FREM1: variants seen among roughly 807,000 people sequenced by gnomAD.
FREM1 encodes the protein FRAS1-related extracellular matrix protein 1.
Under a neutral mutation model 210.1 loss-of-function variants are expected in FREM1, and 220 were observed. The ratio of observed to expected loss-of-function variants is 1.05; its 90% confidence interval spans 0.94 to 1.17. The LOEUF (loss-of-function observed/expected upper bound fraction) is 1.17, where lower values mean the gene tolerates loss of function less well. FREM1 is among the 50% of genes most tolerant of loss of function. FREM1 has a pLI of 0.00. For missense variants in FREM1, 3,454 were observed against 2,675.5 expected (o/e 1.29, Z -6.42); for synonymous variants, 1,189 against 980.2 (o/e 1.21, Z -3.98).
At position 14,776,082 on chromosome 9, in the gene FREM1, C is replaced by T. The variant is rs61735747; in HGVS notation, c.4564G>A (p.Val1522Met). 743 of 1,612,884 alleles carry T rather than the reference C, an allele frequency of 4.6e-4. 3 individuals carry two copies. The African/African-American group carries it at 7.5e-3, about 16-fold the overall frequency. ...NKGLRLAQGA[V>M]GLLSPDLLQL... is the part of the protein sequence containing the mutation. ...AGGAGGTCAGGGGAAAGCAGGCCCA[C>T]GGCCCCTTGGGCCAGTCTCAACCCC... The change falls in exon 25 of 37, where the codon GTG becomes ATG. Residue 1522 changes from valine (V) to methionine (M), a missense_variant. Coordinates refer to ENST00000380880, the MANE Select transcript of FREM1 (RefSeq NM_001379081.2).
At chr9:14,803,278 C>A (rs569660753) in intron 19 of FREM1, among the ~76,000 whole-genome samples, 3 of 146,552 alleles carry the variant, frequency 2.0e-5, no homozygotes, top group African/African-American at 7.5e-5. Flanking sequence ...TCCCTCCCTC[C>A]CTTTTTTCTT....
intron 10 of FREM1, among the ~76,000 whole-genome samples, chr9:14,826,569 T>C (rs1822495127): frequency 1.3e-5 from 2 of 152,228 alleles, no homozygotes; most frequent in South Asian, 4.1e-4. Context: ...AATTTTTCAG[T>C]TGGAATTGTT....
intron 23 of FREM1, among the ~76,000 whole-genome samples, chr9:14,786,300 G>T (rs1296842279): frequency 3.3e-5 from 5 of 152,170 alleles, no homozygotes; most frequent in Non-Finnish European, 4.4e-5. Context: ...TTTGTTCCCT[G>T]TCTTTAATAC....
chr9:14,879,377 A>T (rs1272076200), intron 1 of FREM1, among the ~76,000 whole-genome samples: 1 of 152,148 alleles, frequency 6.6e-6, no homozygotes, highest in South Asian at 2.1e-4. Context: ...ATGATTGGCC[A>T]ACTAGTCTTT....
intron 35 of FREM1, among the ~76,000 whole-genome samples, chr9:14,740,780 C>T (rs920354017): frequency 1.3e-5 from 2 of 152,042 alleles, no homozygotes; most frequent in African/African-American, 4.8e-5. Flanking sequence ...TCATATAATG[C>T]ACAGAAATTA....
Position 14,737,554 on chromosome 9 carries a change from C to A in FREM1, c.6382G>T (p.Gly2128Cys). Residue 2128 changes from glycine to cysteine, a missense_variant, in exon 37 of 37, where the codon GGT (glycine) becomes TGT (cysteine). By Grantham distance (159) the Gly-to-Cys change is radical. Transcript: ENST00000380880. ...QVHAGHWEWI[G>C]GEPVAFTNGR... The stretch of plus-strand genomic sequence containing the variant: ...TTGGTGAAGGCAACAGGTTCACCAC[C>A]GATCCACTCCCAGTGGCCAGCATGC... The A allele has an allele frequency of 6.2e-7, 1 of 1,602,342 alleles. No homozygotes were observed. The highest frequency in any genetic ancestry group is 8.5e-7 in the Non-Finnish European group (1 of 1,174,202).
chr9:14,865,256 G>T (rs545100524), intron 2 of FREM1, among the ~76,000 whole-genome samples: 2 of 152,282 alleles, frequency 1.3e-5, no homozygotes, highest in East Asian at 3.9e-4. Context: ...GTGCTAACCT[G>T]GGGTGCTTTC....
chr9:14,772,395 G>A (rs1159278696), intron 25 of FREM1, among the ~76,000 whole-genome samples: 1 of 151,984 alleles, frequency 6.6e-6, no homozygotes, highest in Non-Finnish European at 1.5e-5. Flanking sequence ...TAGTTATCAA[G>A]AACTATCAGG....
At chr9:14,760,778 T>A (rs1234439735) in intron 27 of FREM1, among the ~76,000 whole-genome samples, 5 of 152,224 alleles carry the variant, frequency 3.3e-5, no homozygotes, top group Non-Finnish European at 7.3e-5. Context: ...TGAAGTTCTT[T>A]GCGACTCTTT....
chr9:14,813,172 G>T, intron 15 of FREM1, 108 bp from the exon 16 acceptor site: 1 of 1,208,788 alleles, frequency 8.3e-7, no homozygotes, highest in Non-Finnish European at 1.1e-6. Context: ...TCATCTTACA[G>T]ACACATGAAA....
At chr9:14,828,546 T>C (rs1822905234) in intron 10 of FREM1, among the ~76,000 whole-genome samples, 1 of 151,740 alleles carries the variant, frequency 6.6e-6, no homozygotes, top group South Asian at 2.1e-4. Flanking sequence ...TAGACTTTAT[T>C]TTTTTGCATT....
chr9:14,843,521 A>AGGTAGGTT (rs1275733999), intron 8 of FREM1, among the ~76,000 whole-genome samples: 1 of 152,136 alleles, frequency 6.6e-6, no homozygotes, highest in African/African-American at 2.4e-5. Flanking sequence ...GTAGGTAGGT[A>AGGTAGGTT]GGCAGATAGA....
At chr9:14,760,846 G>C (rs1379420981) in intron 27 of FREM1, among the ~76,000 whole-genome samples, 1 of 152,074 alleles carries the variant, frequency 6.6e-6, no homozygotes, top group East Asian at 1.9e-4. Flanking sequence ...TTTCCTTTTT[G>C]AGGTCTTGCC....
Position 14,842,641 on chromosome 9 carries a change from G to A in FREM1, c.1413C>T (p.Phe471=). 1 of 1,613,502 alleles carries A rather than the reference G, an allele frequency of 6.2e-7. No homozygotes were observed. Among genetic ancestry groups the A allele is most frequent in the South Asian group, 1.1e-5 (1 of 91,080 alleles). ...LTLRGGKGFL[F]TVADLQAGVV... Reference sequence around the variant, plus strand: ...CTCCAGCCTGGAGGTCAGCCACGGTGAAGAGAAACCCTTTCCCCCCTGAGG... The same window carrying A: ...CTCCAGCCTGGAGGTCAGCCACGGTAAAGAGAAACCCTTTCCCCCCTGAGG... The change falls in exon 9 of 37, where the codon TTC becomes TTT. Residue 471 remains phenylalanine (F), a synonymous_variant. Transcript: ENST00000380880.
At chr9:14,853,406 C>G (rs932618551) in intron 5 of FREM1, among the ~76,000 whole-genome samples, 2 of 152,160 alleles carry the variant, frequency 1.3e-5, no homozygotes, top group African/African-American at 2.4e-5. Context: ...CTAGGAGCTG[C>G]AGGAGAAATT....
intron 18 of FREM1, 130 bp downstream of exon 18, chr9:14,806,531 G>A (rs946136250): frequency 3.1e-6 from 2 of 637,048 alleles, no homozygotes; most frequent in African/African-American, 3.6e-5. Context: ...TGGGATTACA[G>A]GCATCAGCCA....
intron 1 of FREM1, among the ~76,000 whole-genome samples, chr9:14,897,931 G>A (rs1838041356): frequency 6.6e-6 from 1 of 152,110 alleles, no homozygotes; most frequent in African/African-American, 2.4e-5. Flanking sequence ...CTTTCCTGTT[G>A]AGGATCTTAG....
At chr9:14,873,541 A>G (rs529377737) in intron 1 of FREM1, among the ~76,000 whole-genome samples, 1 of 140,598 alleles carries the variant, frequency 7.1e-6, no homozygotes, top group Non-Finnish European at 1.5e-5. Context: ...TTTATTGCAT[A>G]TATTTGATTC....
At chr9:14,797,669 A>G in intron 20 of FREM1, 27 bp from the exon 21 acceptor site, 1 of 1,586,662 alleles carries the variant, frequency 6.3e-7, no homozygotes, top group Non-Finnish European at 8.6e-7. Flanking sequence ...AAATAAGTAA[A>G]TCTTCCTTAT....
Sources: gnomAD v4.1 joint callset for allele counts (sites outside exome capture counted in the v4.1 genomes callset) on GRCh38, gnomAD v4.1.1 for gene constraint, MANE v1.5 for transcripts, NCBI Gene and HGNC (gene_info 2026-07-23, HGNC 2026-07-21) for gene names.